The following KCMF1 variants were observed in gnomAD, a reference collection of about 807,000 sequenced individuals.
KCMF1 encodes the protein potassium channel modulatory factor 1.
In KCMF1, 3 loss-of-function variants were observed where a neutral mutation model predicts 41.1. That is an observed-to-expected ratio of 0.07 (90% confidence interval 0.03 to 0.19). The LOEUF (loss-of-function observed/expected upper bound fraction) is 0.19, where lower values mean the gene tolerates loss of function less well. KCMF1 is among the 10% of genes least tolerant of loss of function. The pLI, the probability that KCMF1 is intolerant of heterozygous loss-of-function variation, is 1.00. For synonymous variants in KCMF1, 142 were observed against 164.5 expected, an observed-to-expected ratio of 0.86 and a Z score of 1.04; for missense variants, 286 against 488.9, an observed-to-expected ratio of 0.58 and a Z score of 3.91.
At chr2:84,983,230 T>TAATGAAATAACAA (rs1468328211) in intron 1 of KCMF1, among the ~76,000 whole-genome samples, 1 of 152,212 alleles carries the variant, frequency 6.6e-6, no homozygotes, top group Non-Finnish European at 1.5e-5. Flanking sequence ...GTGAAATTAA[T>TAATGAAATAACAA]AATGAAATAA....
intron 4 of KCMF1, among the ~76,000 whole-genome samples, chr2:85,044,684 T>G (rs750199621): frequency 6.6e-5 from 10 of 152,180 alleles, no homozygotes; most frequent in Admixed American, 2.0e-4. Flanking sequence ...GCCTGGCCAA[T>G]TTTTGTATTT....
chr2:85,020,558 AG>A (rs1674906402), intron 1 of KCMF1, among the ~76,000 whole-genome samples: 1 of 152,006 alleles, frequency 6.6e-6, no homozygotes, highest in Non-Finnish European at 1.5e-5. Context: ...CCTGAGAAGT[AG>A]GGACTACAGG....
At chr2:84,992,626 TTTTTTTG>T (rs1458119635) in intron 1 of KCMF1, among the ~76,000 whole-genome samples, 1 of 151,990 alleles carries the variant, frequency 6.6e-6, no homozygotes, top group South Asian at 2.1e-4. Flanking sequence ...ATATGTGGTT[TTTTTTTG>T]TTTTTTGTTT....
chr2:85,038,270 A>G (rs1284362261), intron 3 of KCMF1, among the ~76,000 whole-genome samples: 1 of 152,240 alleles, frequency 6.6e-6, no homozygotes, highest in Non-Finnish European at 1.5e-5. Context: ...CACTGCAGCA[A>G]CAGAAAATTA....
chr2:85,032,774 C>T (rs1273647486), intron 2 of KCMF1, among the ~76,000 whole-genome samples: 1 of 152,210 alleles, frequency 6.6e-6, no homozygotes, highest in African/African-American at 2.4e-5. Context: ...GCTCTCCCTC[C>T]CAAAGTGCTA....
At chr2:85,002,874 C>G (rs1317677301) in intron 1 of KCMF1, among the ~76,000 whole-genome samples, 3 of 152,108 alleles carry the variant, frequency 2.0e-5, no homozygotes, top group Non-Finnish European at 4.4e-5. Flanking sequence ...ACTATATATA[C>G]TAACTATATA....
rs1207521637 is a variant in KCMF1, at chr2:85,055,250, C to G, written c.*1841C>G. Reference sequence around the variant, plus strand: ...AAAGCATTTTCAAGACTGTTGACCACTTGAATTTCTTTGGTGTTAGTGGAT... The same window carrying G: ...AAAGCATTTTCAAGACTGTTGACCAGTTGAATTTCTTTGGTGTTAGTGGAT... On this transcript the variant is annotated 3_prime_UTR_variant, in exon 7 of 7. Transcript: ENST00000409785. 1.3e-5 allele frequency: 2 copies of G among 152,180 alleles called. No individual in the cohort carries two copies. 9.4% of individuals were successfully genotyped at this position (152,180 alleles called of 1,614,324 possible). A position where few individuals can be genotyped will look rare whatever the true frequency, so the allele number is the denominator to read the frequency against.
intron 1 of KCMF1, among the ~76,000 whole-genome samples, chr2:84,975,221 G>A (rs142544246): frequency 2.1e-4 from 32 of 152,036 alleles, no homozygotes; most frequent in African/African-American, 7.0e-4. Flanking sequence ...CAGCCTGGGC[G>A]ACAGAGTGAG....
chr2:84,979,889 C>A (rs1324433976), intron 1 of KCMF1, among the ~76,000 whole-genome samples: 1 of 151,838 alleles, frequency 6.6e-6, no homozygotes, highest in Admixed American at 6.6e-5. Flanking sequence ...GTGGCGCGAT[C>A]TCGGCTCACC....
rs147435763 is a variant in KCMF1, at chr2:85,003,202, G to A, written c.17-24687G>A. On this transcript the variant is annotated intron_variant, in intron 1 of 6. Coordinates refer to ENST00000409785, the MANE Select transcript of KCMF1 (RefSeq NM_020122.5). ...AAAATTCATCTTGTTGGCCGGGCGC[G>A]GTGGCTCACGCCTGTAATCCCAGCA... Among the ~76,000 whole-genome samples the A allele has an allele frequency of 4.7e-4, 71 of 152,254 alleles. 1 individual carries two copies. The highest frequency in any genetic ancestry group is 1.6e-3 in the African/African-American group (66 of 41,554).
intron 1 of KCMF1, among the ~76,000 whole-genome samples, chr2:85,016,288 C>T (rs1674766862): frequency 6.6e-6 from 1 of 152,092 alleles, no homozygotes; most frequent in Non-Finnish European, 1.5e-5. Context: ...GTACGGGTCT[C>T]GATACCCCAT....
intron 1 of KCMF1, among the ~76,000 whole-genome samples, chr2:84,977,494 C>T (rs114387467): frequency 0.015 from 2,326 of 152,136 alleles, 61 homozygotes; most frequent in African/African-American, 0.052. Flanking sequence ...CAGCATAGCC[C>T]GCTGCAGCAT....
At chr2:85,043,168 T>C (rs1014181887) in intron 3 of KCMF1, among the ~76,000 whole-genome samples, 3 of 152,262 alleles carry the variant, frequency 2.0e-5, no homozygotes, top group African/African-American at 7.2e-5. Flanking sequence ...GAATTGGCTC[T>C]CAAGTATAGC....
chr2:85,038,406 T>G (rs1203019791), intron 3 of KCMF1, among the ~76,000 whole-genome samples: 1 of 151,946 alleles, frequency 6.6e-6, no homozygotes, highest in Non-Finnish European at 1.5e-5. Context: ...CCAAAAGGAG[T>G]TTCTTGACCA....
intron 1 of KCMF1, among the ~76,000 whole-genome samples, chr2:84,998,743 C>T (rs915602029): frequency 5.3e-5 from 8 of 151,362 alleles, no homozygotes; most frequent in Non-Finnish European, 1.0e-4. Context: ...GCTGGGATTA[C>T]AGGCGTGTAC....
intron 1 of KCMF1, among the ~76,000 whole-genome samples, chr2:84,994,086 T>C (rs1381805379): frequency 6.6e-6 from 1 of 151,956 alleles, no homozygotes; most frequent in East Asian, 1.9e-4. Flanking sequence ...TAGCTGGGAC[T>C]ACTGGCACTC....
intron 1 of KCMF1, among the ~76,000 whole-genome samples, chr2:84,981,765 T>TTTGG (rs1673761333): frequency 6.6e-6 from 1 of 151,930 alleles, no homozygotes; most frequent in Non-Finnish European, 1.5e-5. Context: ...TCTCCAGGCT[T>TTTGG]TTTGTTTGTT....
At chr2:84,993,991 A>G (rs189750597) in intron 1 of KCMF1, among the ~76,000 whole-genome samples, 10 of 151,590 alleles carry the variant, frequency 6.6e-5, no homozygotes, top group Admixed American at 2.0e-4. Flanking sequence ...TCTGTCACCC[A>G]GGCTGGAGTG....
At chr2:84,987,558 G>C (rs1673934663) in intron 1 of KCMF1, among the ~76,000 whole-genome samples, 1 of 152,182 alleles carries the variant, frequency 6.6e-6, no homozygotes, top group Admixed American at 6.5e-5. Context: ...GCATCTAGGA[G>C]GGGAGAGACA....
Sources: allele counts gnomAD v4.1 joint callset (sites outside exome capture counted in the v4.1 genomes callset), GRCh38; gene constraint gnomAD v4.1.1; transcripts MANE v1.5; gene names NCBI Gene and HGNC (gene_info 2026-07-23, HGNC 2026-07-21).